The following GPM6A variants were observed in gnomAD, a reference collection of about 807,000 sequenced individuals.
The protein encoded by GPM6A is neuronal membrane glycoprotein M6-a.
In GPM6A, 7 loss-of-function variants were observed where a neutral mutation model predicts 32.1. The ratio of observed to expected loss-of-function variants is 0.22; its 90% CI spans 0.12 to 0.41. The LOEUF (loss-of-function observed/expected upper bound fraction) is 0.41, where lower values mean the gene tolerates loss of function less well. Ranked by LOEUF, GPM6A falls within the 10% of genes least tolerant of loss-of-function variation. GPM6A has a pLI of 1.00. For missense variants in GPM6A, 235 were observed against 347.2 expected, an observed-to-expected ratio of 0.68 and a Z score of 2.57; for synonymous variants, 130 against 123.4, an observed-to-expected ratio of 1.05 and a Z score of -0.35.
intron 1 of GPM6A, among the ~76,000 whole-genome samples, chr4:175,951,036 T>C (rs968802092): frequency 6.6e-6 from 1 of 152,200 alleles, no homozygotes; most frequent in Non-Finnish European, 1.5e-5. Context: ...GCTTCTGTTA[T>C]ACTGAATGCC....
chr4:175,721,148 A>ATATATATATATAT (rs1746108912), intron 1 of GPM6A, among the ~76,000 whole-genome samples: 1 of 135,214 alleles, frequency 7.4e-6, no homozygotes. Context: ...TATATATTCT[A>ATATATATATATAT]ATATATATAT....
At chr4:175,889,877 G>A (rs934768677) in intron 1 of GPM6A, among the ~76,000 whole-genome samples, 12 of 151,840 alleles carry the variant, frequency 7.9e-5, no homozygotes, top group Non-Finnish European at 1.6e-4. Context: ...AAGAAAAGAA[G>A]AGGCCATGAA....
intron 1 of GPM6A, among the ~76,000 whole-genome samples, chr4:175,967,718 A>G (rs896006005): frequency 6.6e-6 from 1 of 152,180 alleles, no homozygotes; most frequent in Non-Finnish European, 1.5e-5. Context: ...AACAAAATAT[A>G]CACAAGAACT....
chr4:175,769,422 A>C (rs1267965340), intron 1 of GPM6A, among the ~76,000 whole-genome samples: 2 of 145,446 alleles, frequency 1.4e-5, no homozygotes, highest in Non-Finnish European at 1.5e-5. Context: ...CTGGGTTTGA[A>C]GTTGGGAGAA....
chr4:175,642,099 A>G (rs372142071), intron 4 of GPM6A: 1 of 152,178 alleles, frequency 6.6e-6, no homozygotes, highest in Admixed American at 6.5e-5. Context: ...TCCTTTGCCA[A>G]TAGTTTGTGG....
At chr4:175,811,277 T>C (rs114404497) in intron 1 of GPM6A, among the ~76,000 whole-genome samples, 1 of 152,314 alleles carries the variant, frequency 6.6e-6, no homozygotes, top group African/African-American at 2.4e-5. Flanking sequence ...CTCTTGAATA[T>C]TACCTTTATG....
intron 1 of GPM6A, among the ~76,000 whole-genome samples, chr4:175,756,004 G>A (rs1026543717): frequency 2.0e-5 from 3 of 152,102 alleles, no homozygotes; most frequent in African/African-American, 7.2e-5. Context: ...ATTAGTTGCT[G>A]TTCAGTAGGT....
chr4:175,760,113 T>C (rs1458436834), intron 1 of GPM6A, among the ~76,000 whole-genome samples: 1 of 151,416 alleles, frequency 6.6e-6, no homozygotes, highest in Non-Finnish European at 1.5e-5. Context: ...GAGGTGGAGG[T>C]TGCAGTGAGC....
At chr4:175,752,096 T>C (rs540142025) in intron 1 of GPM6A, among the ~76,000 whole-genome samples, 1 of 152,264 alleles carries the variant, frequency 6.6e-6, no homozygotes, top group Non-Finnish European at 1.5e-5. Flanking sequence ...TGTTTTTCTC[T>C]TTTTTCAACA....
chr4:175,947,217 C>T (rs1272447394), intron 1 of GPM6A, among the ~76,000 whole-genome samples: 1 of 150,800 alleles, frequency 6.6e-6, no homozygotes, highest in East Asian at 1.9e-4. Flanking sequence ...CTCGAATTTC[C>T]TCAATAATTC....
intron 1 of GPM6A, among the ~76,000 whole-genome samples, chr4:175,704,590 T>A (rs1320907597): frequency 2.0e-5 from 3 of 152,136 alleles, no homozygotes; most frequent in Non-Finnish European, 4.4e-5. Context: ...AAAATAATAA[T>A]CATAAAAAAA....
intron 1 of GPM6A, among the ~76,000 whole-genome samples, chr4:175,709,131 AAAT>A (rs1218516247): frequency 6.6e-6 from 1 of 152,176 alleles, no homozygotes; most frequent in East Asian, 1.9e-4. Flanking sequence ...ATAACATTTT[AAAT>A]AATATTTTTA....
intron 2 of GPM6A, among the ~76,000 whole-genome samples, chr4:175,677,654 A>T (rs1426746089): frequency 1.3e-5 from 2 of 152,182 alleles, no homozygotes. Context: ...AAAACTAATT[A>T]TTGCTCAGAA....
chr4:175,689,189 T>C (rs919241838), intron 2 of GPM6A, among the ~76,000 whole-genome samples: 1 of 152,248 alleles, frequency 6.6e-6, no homozygotes, highest in Non-Finnish European at 1.5e-5. Flanking sequence ...TTTTGACTAT[T>C]TGGAGCCCTT....
chr4:175,972,231 A>C (rs1327631311), intron 1 of GPM6A, among the ~76,000 whole-genome samples: 1 of 152,206 alleles, frequency 6.6e-6, no homozygotes, highest in Non-Finnish European at 1.5e-5. Flanking sequence ...TTTTTAAAAA[A>C]ATTTGTGATG....
At chr4:175,917,990 GA>G (rs1223341591) in intron 1 of GPM6A, among the ~76,000 whole-genome samples, 1 of 152,016 alleles carries the variant, frequency 6.6e-6, no homozygotes, top group Non-Finnish European at 1.5e-5. Context: ...AATAGTAACT[GA>G]AATAGCTGCT....
chr4:175,962,098 T>C (rs1448833563), intron 1 of GPM6A: 2 of 748,166 alleles, frequency 2.7e-6, no homozygotes, highest in Non-Finnish European at 5.0e-6. Context: ...GGCCCTACAA[T>C]AGTAGCCCAT....
intron 1 of GPM6A, among the ~76,000 whole-genome samples, chr4:175,820,286 G>A (rs1055937288): frequency 3.9e-5 from 6 of 152,008 alleles, no homozygotes; most frequent in East Asian, 1.9e-4. Context: ...GTATAAAGTC[G>A]ATTATACGTG....
At chr4:175,954,526 T>G (rs1561010134) in intron 1 of GPM6A, among the ~76,000 whole-genome samples, 2 of 152,218 alleles carry the variant, frequency 1.3e-5, no homozygotes, top group Non-Finnish European at 2.9e-5. Context: ...GCAAATAATA[T>G]ATACCACACT....
Sources: gnomAD v4.1 joint callset for allele counts (sites outside exome capture counted in the v4.1 genomes callset) on GRCh38, gnomAD v4.1.1 for gene constraint, MANE v1.5 for transcripts, NCBI Gene and HGNC (gene_info 2026-07-23, HGNC 2026-07-21) for gene names.